MAP4K2: variants seen among roughly 807,000 people sequenced by gnomAD.
The protein encoded by MAP4K2 is mitogen-activated protein kinase kinase kinase kinase 2, also known as B lymphocyte serine/threonine protein kinase.
In MAP4K2, 85 loss-of-function variants were observed where a neutral mutation model predicts 125.3. The observed-to-expected ratio is 0.68, with a 90% CI of 0.57 to 0.81. MAP4K2 has a LOEUF of 0.81. Ranked by LOEUF, MAP4K2 falls within the 40% of genes least tolerant of loss-of-function variation. The pLI, the probability that MAP4K2 is intolerant of heterozygous loss-of-function variation, is 0.00. For synonymous variants in MAP4K2, 479 were observed against 445.1 expected, an observed-to-expected ratio of 1.08 and a Z score of -0.96; for missense variants, 923 against 1,056.4, an observed-to-expected ratio of 0.87 and a Z score of 1.75.
At position 64,797,266 on chromosome 11, in the gene MAP4K2, G is replaced by A. The variant is rs1410125271; in HGVS notation, c.1276+9C>T. 2 of 1,600,602 alleles carry A rather than the reference G, an allele frequency of 1.2e-6. No individual in the cohort carries two copies. Among genetic ancestry groups the A allele is most frequent in the South Asian group, 2.2e-5 (2 of 89,152 alleles). ...GGCTGCCTCCTGGCCTCCCAAGCCT[G>A]AGACTCACCTGGGGGACTGGACAGA... On this transcript the variant is annotated intron_variant, in intron 18 of 31. Transcript: ENST00000294066.
chr11:64,792,132 G>A (rs1285256304), intron 26 of MAP4K2, 40 bp downstream of exon 26: 1 of 1,585,930 alleles, frequency 6.3e-7, no homozygotes, highest in East Asian at 2.3e-5. Flanking sequence ...TCCCCCCAGA[G>A]CTCTGAGGGT....
At chr11:64,800,005 C>T in intron 12 of MAP4K2, 104 bp downstream of exon 12, 1 of 983,700 alleles carries the variant, frequency 1.0e-6, no homozygotes. Flanking sequence ...AGGCCAGCTC[C>T]CTGAGCTGGA....
At chr11:64,802,993 T>C in intron 1 of MAP4K2, 51 bp from the exon 2 acceptor site, 3 of 1,564,972 alleles carry the variant, frequency 1.9e-6, no homozygotes, top group Non-Finnish European at 1.7e-6. Context: ...GGGGGCTAGA[T>C]CCTGCCGCGG....
rs982153198 is a variant in MAP4K2, at chr11:64,787,538, T to C, written c.*1999A>G. ...TCTCTGCTGTATTTAAAAAAATATG[T>C]ACCATGGGCAAAGGTTACGCATTTA... On this transcript the variant is annotated 3_prime_UTR_variant, in exon 32 of 32. Transcript: ENST00000294066. The C allele has an allele frequency of 1.3e-5, 2 of 152,198 alleles. No individual in the cohort carries two copies. The highest frequency in any genetic ancestry group is 6.5e-5 in the Admixed American group (1 of 15,282). 9.4% of individuals were successfully genotyped at this position (152,198 alleles called of 1,614,324 possible).
rs1839604532 is a variant in MAP4K2 at position 64,787,977 on chromosome 11, CTT to C, written c.*1558_*1559del. 1 of 152,188 alleles carries C rather than the reference CTT, an allele frequency of 6.6e-6. No individual in the cohort carries two copies. Among genetic ancestry groups the C allele is most frequent in the Non-Finnish European group, 1.5e-5 (1 of 68,006 alleles). 9.4% of individuals were successfully genotyped at this position (152,188 alleles called of 1,614,324 possible). A position where few individuals can be genotyped will look rare whatever the true frequency, so the allele number is the denominator to read the frequency against. ...AATTTGGAAGGTGCCCCTCACCCTC[CTT>C]GGGGCTCACGGGAACATGGGTGTGA... On this transcript the variant is annotated 3_prime_UTR_variant, in exon 32 of 32. Transcript: ENST00000294066.
At chr11:64,800,854 C>T (rs749026386) in intron 9 of MAP4K2, 28 bp from the exon 10 acceptor site, 2 of 1,613,760 alleles carry the variant, frequency 1.2e-6, no homozygotes, top group Non-Finnish European at 1.7e-6. Flanking sequence ...TCAGGGGCCA[C>T]AGGCCGCAGA....
At position 64,798,795 on chromosome 11, in the gene MAP4K2, C is replaced by A; in HGVS notation, c.1096G>T (p.Gly366Trp). 1.2e-6 allele frequency: 2 copies of A among 1,612,020 alleles called. No individual in the cohort carries two copies. The change falls in exon 15 of 32, where the codon GGG becomes TGG. Residue 366 changes from glycine to tryptophan, a missense_variant and splice_region_variant. Gly to Trp is a radical substitution (Grantham distance 184). Around this residue, in one of 2 missense-constraint regions of MAP4K2, gnomAD observed 833 missense variants for 911.4 expected, o/e 0.91. Transcript: ENST00000294066. ...WTLLGKEELS[G>W]SLLQSVQEAL... is the part of the protein sequence containing the mutation. ...GCAGCTTCCCCATACCTCACTTACC[C>A]ACTCAACTCTTCCTTTCCCAGTAGT...
At position 64,800,129 on chromosome 11, in the gene MAP4K2, G is replaced by A. The variant is rs1415171290; in HGVS notation, c.895C>T (p.Pro299Ser). The A allele has an allele frequency of 5.0e-6, 8 of 1,610,344 alleles. No individual in the cohort carries two copies. The highest frequency in any genetic ancestry group is 5.9e-6 in the Non-Finnish European group (7 of 1,178,724). The change falls in exon 12 of 32, where the codon CCT becomes TCT. Residue 299 changes from proline (P) to serine (S), a missense_variant. By Grantham distance (74) the Pro-to-Ser change is moderately conservative (BLOSUM62 -1). Around this residue, in one of 2 missense-constraint regions of MAP4K2, gnomAD observed 833 missense variants for 911.4 expected, o/e 0.91. Transcript: ENST00000294066. ...ASDPHLGTPS[P>S]EDCELETYDM... ...CCTACCTCCAGCTCACAGTCCTCAG[G>A]GGAGGGGGTCCCCAGATGAGGGTCA...
Position 64,790,185 on chromosome 11 carries a change from C to T in MAP4K2, c.2248+3G>A. The stretch of plus-strand genomic sequence containing the variant: ...GCCTGCACCCCACCTCTGGCTCACT[C>T]ACCCACAGTCTCGATGGGGAAATCA... On this transcript the variant is annotated splice_donor_region_variant and intron_variant, in intron 29 of 31. Transcript: ENST00000294066. 5 of 1,614,152 alleles carry T rather than the reference C, an allele frequency of 3.1e-6. No homozygotes were observed. The highest frequency in any genetic ancestry group is 1.3e-5 in the African/African-American group (1 of 75,050).
intron 16 of MAP4K2, 29 bp downstream of exon 16, chr11:64,797,597 T>C: frequency 6.3e-7 from 1 of 1,577,784 alleles, no homozygotes; most frequent in Non-Finnish European, 8.6e-7. Flanking sequence ...ACCTGCCCCT[T>C]GCCCCTCCCC....
At position 64,792,005 on chromosome 11, in the gene MAP4K2, C is replaced by T; in HGVS notation, c.1996G>A (p.Val666Ile). ...LDGKELPQVC[V>I]GAEGPEGPGC... is the part of the protein sequence containing the mutation. ...GGCCCCTCAGGCCCCTCGGCCCCAA[C>T]ACACACCTGCGGCAGCTCCTTCCCA... The change falls in exon 27 of 32, where the codon GTT (valine) becomes ATT (isoleucine). Residue 666 changes from valine (V) to isoleucine (I), a missense_variant. Val to Ile is a conservative substitution (Grantham distance 29). Around this residue, in one of 2 missense-constraint regions of MAP4K2, gnomAD observed 833 missense variants for 911.4 expected, o/e 0.91. Transcript: ENST00000294066. 2 of 1,600,286 alleles carry T rather than the reference C, an allele frequency of 1.2e-6. No individual in the cohort carries two copies. The highest frequency in any genetic ancestry group is 1.7e-6 in the Non-Finnish European group (2 of 1,174,036).
At position 64,801,271 on chromosome 11, in the gene MAP4K2, G is replaced by A. The variant is rs745968244; in HGVS notation, c.458-88C>T. The stretch of plus-strand genomic sequence containing the variant: ...GGCTCTGGCTCGGCTGCACCTGGCA[G>A]GGCTCAGACGGGCAGGTGGCCCCGC... On this transcript the variant is annotated intron_variant, in intron 7 of 31. Coordinates refer to ENST00000294066, the MANE Select transcript of MAP4K2 (RefSeq NM_004579.5). The A allele has an allele frequency of 1.4e-3, 2,109 of 1,471,218 alleles. 22 individuals carry two copies. The highest frequency in any genetic ancestry group is 5.3e-3 in the Middle Eastern group (22 of 4,178). The allele number at this position is 1,471,218 out of a possible 1,614,324, so 91.1% of individuals were successfully genotyped here.
chr11:64,791,336 G>T (rs1214499776), intron 27 of MAP4K2, among the ~76,000 whole-genome samples: 2 of 152,186 alleles, frequency 1.3e-5, no homozygotes, highest in Non-Finnish European at 2.9e-5. Context: ...TGCCAGATCT[G>T]CCTCTTCCCT....
At chr11:64,802,224 G>T in intron 4 of MAP4K2, 103 bp from the exon 5 acceptor site, 1 of 1,200,256 alleles carries the variant, frequency 8.3e-7, no homozygotes, top group Non-Finnish European at 1.2e-6. Flanking sequence ...AAATGAAAGC[G>T]GTGTTGGCCA....
Position 64,787,467 on chromosome 11 carries a change from G to A in MAP4K2, c.*2070C>T, listed in dbSNP as rs1368942644. ...CTTCTAGAAGGGTTCATAAGTAACTGAGACCAGGGTGGCTGGGGACGGGGT... is the reference window on the plus strand; with the variant it reads ...CTTCTAGAAGGGTTCATAAGTAACTAAGACCAGGGTGGCTGGGGACGGGGT... On this transcript the variant is annotated 3_prime_UTR_variant, in exon 32 of 32. Transcript: ENST00000294066. 1 of 152,204 alleles carries A rather than the reference G, an allele frequency of 6.6e-6. No individual in the cohort carries two copies. Among genetic ancestry groups the A allele is most frequent in the African/African-American group, 2.4e-5 (1 of 41,452 alleles). The allele number at this position is 152,204 out of a possible 1,614,324, so 9.4% of individuals were successfully genotyped here.
rs1251231728 is a variant in MAP4K2, at chr11:64,802,668, G to A, written c.155-15C>T. 2 of 1,610,168 alleles carry A rather than the reference G, an allele frequency of 1.2e-6. No individual in the cohort carries two copies. Among genetic ancestry groups the A allele is most frequent in the East Asian group, 2.2e-5 (1 of 44,806 alleles). ...GATGTCGTCCCCTGGGAAGCACAAAGCATCATGGGGAAGGCGCGCTGGGGT... is the reference window on the plus strand; with the variant it reads ...GATGTCGTCCCCTGGGAAGCACAAAACATCATGGGGAAGGCGCGCTGGGGT... On this transcript the variant is annotated splice_polypyrimidine_tract_variant and intron_variant, in intron 2 of 31. Coordinates refer to ENST00000294066, the MANE Select transcript of MAP4K2 (RefSeq NM_004579.5).
chr11:64,786,917 T>C lies in MAP4K2; in HGVS notation c.*2620A>G, dbSNP rs1940214642. On this transcript the variant is annotated 3_prime_UTR_variant, in exon 32 of 32. Coordinates refer to ENST00000294066, the MANE Select transcript of MAP4K2 (RefSeq NM_004579.5). Reference sequence around the variant, plus strand: ...ACTAGCTGTAAAAAAAAAAAAATTTTTTTTTAAAGGGAGATCTTTAACGCA... The same window carrying C: ...ACTAGCTGTAAAAAAAAAAAAATTTCTTTTTAAAGGGAGATCTTTAACGCA... 3 of 152,094 alleles carry C rather than the reference T, an allele frequency of 2.0e-5. No individual in the cohort carries two copies. Among genetic ancestry groups the C allele is most frequent in the South Asian group, 4.1e-4 (2 of 4,830 alleles). 9.4% of individuals were successfully genotyped at this position (152,094 alleles called of 1,614,324 possible).
At chr11:64,795,693 C>G (rs917992152) in intron 24 of MAP4K2, among the ~76,000 whole-genome samples, 6 of 152,242 alleles carry the variant, frequency 3.9e-5, no homozygotes, top group East Asian at 1.9e-4. Flanking sequence ...TGAGCCCCCC[C>G]GCCCAGACTT....
chr11:64,795,231 G>C (rs1311237433), intron 24 of MAP4K2, among the ~76,000 whole-genome samples: 2 of 151,126 alleles, frequency 1.3e-5, no homozygotes, highest in Non-Finnish European at 2.9e-5. Flanking sequence ...CTACAGGTGC[G>C]CACCACTACA....
Sources: allele counts gnomAD v4.1 joint callset (sites outside exome capture counted in the v4.1 genomes callset), GRCh38; gene constraint gnomAD v4.1.1; regional missense constraint gnomAD v4.1.1; transcripts MANE v1.5; gene names NCBI Gene and HGNC (gene_info 2026-07-23, HGNC 2026-07-21).